Variants in ABL1 observed in about 807,000 individuals in gnomAD.
ABL1 encodes the protein ABL proto-oncogene 1, non-receptor tyrosine kinase.
In ABL1, 11 loss-of-function variants were observed where a neutral mutation model predicts 94.7. The ratio of observed to expected loss-of-function variants is 0.12; its 90% CI spans 0.07 to 0.19. ABL1 has a LOEUF of 0.19. Among genes scored for constraint, ABL1 ranks in the 10% least tolerant of loss-of-function variants. ABL1 has a pLI of 1.00. For synonymous variants in ABL1, 656 were observed against 622.4 expected (o/e 1.05, Z -0.80); for missense variants, 1,082 against 1,489.4 (o/e 0.73, Z 4.50).
At chr9:130,781,128 A>C (rs36099006) in intron 1 of ABL1, among the ~76,000 whole-genome samples, 174 of 152,354 alleles carry the variant, frequency 1.1e-3, no homozygotes, top group African/African-American at 4.1e-3. Context: ...CTTGGAATGA[A>C]AAATAGCCAT....
At chr9:130,809,404 G>A (rs887818696) in intron 1 of ABL1, among the ~76,000 whole-genome samples, 6 of 121,244 alleles carry the variant, frequency 4.9e-5, no homozygotes, top group Non-Finnish European at 1.1e-4. Flanking sequence ...GAGAGAGAGA[G>A]AGAGAGAGAG....
chr9:130,819,096 C>G (rs1028890518), intron 1 of ABL1, among the ~76,000 whole-genome samples: 3 of 152,098 alleles, frequency 2.0e-5, no homozygotes, highest in African/African-American at 7.2e-5. Flanking sequence ...GCTCATGCCT[C>G]TAATCCCAGC....
intron 4 of ABL1, among the ~76,000 whole-genome samples, chr9:130,868,541 T>C (rs113561728): frequency 0.018 from 2,602 of 140,880 alleles, 74 homozygotes; most frequent in African/African-American, 0.071. Flanking sequence ...TTTTTTTTTT[T>C]CAGACAGAGT....
At chr9:130,793,956 T>C (rs1829941202) in intron 1 of ABL1, among the ~76,000 whole-genome samples, 1 of 152,144 alleles carries the variant, frequency 6.6e-6, no homozygotes, top group Non-Finnish European at 1.5e-5. Flanking sequence ...CCTGAGGATC[T>C]CTCATTGTCT....
chr9:130,876,383 C>T (rs1050220154), intron 7 of ABL1, among the ~76,000 whole-genome samples: 1 of 150,574 alleles, frequency 6.6e-6, no homozygotes, highest in Non-Finnish European at 1.5e-5. Flanking sequence ...TTTTATTTAC[C>T]AGTTTTTAAA....
intron 1 of ABL1, among the ~76,000 whole-genome samples, chr9:130,741,515 A>G (rs531553526): frequency 3.8e-4 from 57 of 149,978 alleles, no homozygotes; most frequent in African/African-American, 1.4e-3. Flanking sequence ...AACAGTTACC[A>G]CACTGATATA....
At chr9:130,742,796 A>T (rs1278436844) in intron 1 of ABL1, among the ~76,000 whole-genome samples, 1 of 152,138 alleles carries the variant, frequency 6.6e-6, no homozygotes, top group Non-Finnish European at 1.5e-5. Flanking sequence ...TGTATATCAG[A>T]TGTACGCACA....
intron 1 of ABL1, among the ~76,000 whole-genome samples, chr9:130,764,163 CAGAG>C (rs1009419547): frequency 1.2e-4 from 19 of 152,130 alleles, no homozygotes; most frequent in Admixed American, 1.2e-3. Context: ...GGGCCAGGGT[CAGAG>C]AGGCCAGGAC....
At chr9:130,868,520 CTTTTTTTTTTTTT>C (rs71389371) in intron 4 of ABL1, among the ~76,000 whole-genome samples, 1 of 112,114 alleles carries the variant, frequency 8.9e-6, no homozygotes, top group Non-Finnish European at 1.9e-5. Context: ...TTTTCTTTTT[CTTTTTTTTTTTTT>C]TTTTTTTTCA....
chr9:130,747,307 G>A (rs536113436), intron 1 of ABL1, among the ~76,000 whole-genome samples: 34 of 152,090 alleles, frequency 2.2e-4, no homozygotes, highest in Non-Finnish European at 4.7e-4. Flanking sequence ...AAGCCTGGGA[G>A]GTGGCGGTTG....
At chr9:130,799,371 A>G (rs532159023) in intron 1 of ABL1, among the ~76,000 whole-genome samples, 10 of 152,352 alleles carry the variant, frequency 6.6e-5, no homozygotes, top group Admixed American at 6.5e-4. Flanking sequence ...ACTAGGAAAG[A>G]GCAAAGAGCA....
chr9:130,779,534 C>G (rs1181305524), intron 1 of ABL1, among the ~76,000 whole-genome samples: 1 of 152,158 alleles, frequency 6.6e-6, no homozygotes, highest in Non-Finnish European at 1.5e-5. Context: ...TTCCCCAACG[C>G]TAAAGACCTC....
intron 1 of ABL1, among the ~76,000 whole-genome samples, chr9:130,734,437 G>C (rs1284819452): frequency 1.3e-5 from 2 of 150,934 alleles, no homozygotes; most frequent in Non-Finnish European, 2.9e-5. Context: ...GGATGGTCTT[G>C]ATCTCCTGAC....
rs1380991918 is a variant in ABL1, at chr9:130,886,587, C to A, written c.*904C>A. On this transcript the variant is annotated 3_prime_UTR_variant, in exon 11 of 11. Coordinates refer to ENST00000318560, the MANE Select transcript of ABL1 (RefSeq NM_005157.6). ...GGTGAACAGCTGGTGCCAAATAGCC[C>A]CAGACTGGGCCCAGGCAGGTCTGCA... The A allele has an allele frequency of 1.3e-5, 3 of 233,564 alleles. No homozygotes were observed. The highest frequency in any genetic ancestry group is 1.7e-5 in the Non-Finnish European group (2 of 118,022). The allele number at this position is 233,564 out of a possible 1,614,324, so 14.5% of individuals were successfully genotyped here.
In ABL1 at chr9:130,808,240, TCTTCTTC is replaced by T. The variant is rs374757534; in HGVS notation, c.137-45823_137-45817del. The stretch of plus-strand genomic sequence containing the variant: ...TTCTTCTTCTTCTTCTTCTTCTTCT[TCTTCTTC>T]TTTTTTTTTTTTTTGAAATGGAGTC... On this transcript the variant is annotated intron_variant, in intron 1 of 10. Transcript: ENST00000372348. Among the ~76,000 whole-genome samples, 519 of 140,600 alleles carry T rather than the reference TCTTCTTC, an allele frequency of 3.7e-3. 6 individuals carry two copies. The highest frequency in any genetic ancestry group is 0.013 in the African/African-American group (492 of 36,524). The allele number at this position is 140,600 out of a possible 152,430, so 92.2% of individuals were successfully genotyped here.
intron 1 of ABL1, among the ~76,000 whole-genome samples, chr9:130,804,945 A>C (rs1477924400): frequency 1.3e-5 from 2 of 152,250 alleles, no homozygotes; most frequent in African/African-American, 4.8e-5. Flanking sequence ...AGTTAAACAA[A>C]GTTATTGACT....
chr9:130,796,459 C>T (rs888225578), intron 1 of ABL1, among the ~76,000 whole-genome samples: 4 of 151,964 alleles, frequency 2.6e-5, no homozygotes, highest in Non-Finnish European at 5.9e-5. Context: ...TGCAGTGGGC[C>T]GAGATCAATC....
chr9:130,795,505 T>C lies in ABL1; in HGVS notation c.137-58559T>C, dbSNP rs74500545. Among the ~76,000 whole-genome samples, 485 of 152,332 alleles carry C rather than the reference T, an allele frequency of 3.2e-3. 4 individuals are homozygous for C. The highest frequency in any genetic ancestry group is 0.011 in the African/African-American group (454 of 41,576). On this transcript the variant is annotated intron_variant, in intron 1 of 10. Coordinates refer to the ABL1 transcript ENST00000372348. ...TTACGTTGTGTCCAGTTATGATATA[T>C]TGATGATTGTATTCAGTAGCTTGAA... is the stretch of plus-strand genomic sequence containing the variant.
chr9:130,740,526 G>A (rs913355040), intron 1 of ABL1, among the ~76,000 whole-genome samples: 1 of 152,224 alleles, frequency 6.6e-6, no homozygotes, highest in Admixed American at 6.5e-5. Context: ...TCCATCGGTG[G>A]TGGTACTATG....
Sources: allele counts gnomAD v4.1 joint callset (sites outside exome capture counted in the v4.1 genomes callset), GRCh38; gene constraint gnomAD v4.1.1; transcripts MANE v1.5; gene names NCBI Gene and HGNC (gene_info 2026-07-23, HGNC 2026-07-21).